The following KCNC2 variants were observed in gnomAD, a reference collection of about 807,000 sequenced individuals.
KCNC2 encodes potassium voltage-gated channel subfamily C member 2.
In KCNC2, 21 loss-of-function variants were observed where a neutral mutation model predicts 44.5. The observed-to-expected ratio is 0.47, with a 90% CI of 0.33 to 0.68. KCNC2 has a LOEUF of 0.68. Among genes scored for constraint, KCNC2 ranks in the 30% least tolerant of loss-of-function variants. The pLI is 0.01. For synonymous variants in KCNC2, 391 were observed against 339.1 expected (o/e 1.15, Z -1.68); for missense variants, 589 against 826.2 (o/e 0.71, Z 3.52).
At chr12:75,080,080 AT>A (rs1884348677) in intron 2 of KCNC2, among the ~76,000 whole-genome samples, 1 of 152,078 alleles carries the variant, frequency 6.6e-6, no homozygotes, top group Non-Finnish European at 1.5e-5. Flanking sequence ...TTACAGAAAA[AT>A]TTTATTTTTT....
chr12:75,083,467 G>C (rs1390926576), intron 2 of KCNC2, among the ~76,000 whole-genome samples: 4 of 151,844 alleles, frequency 2.6e-5, no homozygotes, highest in Non-Finnish European at 5.9e-5. Flanking sequence ...AAAGCCAAAA[G>C]AGAATAACAC....
At chr12:75,131,605 TG>T (rs1888849551) in intron 2 of KCNC2, among the ~76,000 whole-genome samples, 1 of 152,122 alleles carries the variant, frequency 6.6e-6, no homozygotes, top group African/African-American at 2.4e-5. Flanking sequence ...TAGAGAGATG[TG>T]GCAGAAAGAA....
At chr12:75,113,865 CAG>C (rs1887444381) in intron 2 of KCNC2, among the ~76,000 whole-genome samples, 3 of 152,140 alleles carry the variant, frequency 2.0e-5, no homozygotes, top group South Asian at 2.1e-4. Context: ...TACTACCACA[CAG>C]AGTTTCAGGC....
chr12:75,055,480 T>C lies in KCNC2; in HGVS notation c.688-4163A>G, dbSNP rs371042914. Among the ~76,000 whole-genome samples, 20 of 152,168 alleles carry C rather than the reference T, an allele frequency of 1.3e-4. No homozygotes were observed. The South Asian group carries it at 4.1e-3, about 32-fold the overall frequency. ...CTGCCATCTCTCTCTGTCTTTTCCCTGTGATAAGACCAAAAACTCCTCCAG... is the reference window on the plus strand; with the variant it reads ...CTGCCATCTCTCTCTGTCTTTTCCCCGTGATAAGACCAAAAACTCCTCCAG... On this transcript the variant is annotated intron_variant, in intron 2 of 4. Transcript: ENST00000549446.
At chr12:75,057,981 T>C (rs1404119649) in intron 2 of KCNC2, among the ~76,000 whole-genome samples, 1 of 151,932 alleles carries the variant, frequency 6.6e-6, no homozygotes, top group Non-Finnish European at 1.5e-5. Flanking sequence ...TCAAGGCCTA[T>C]CCATTCACAC....
intron 2 of KCNC2, among the ~76,000 whole-genome samples, chr12:75,053,335 G>A (rs1229102268): frequency 6.6e-6 from 1 of 151,976 alleles, no homozygotes; most frequent in East Asian, 1.9e-4. Context: ...AGACTCAGAA[G>A]AATCTTCCTA....
chr12:75,131,853 G>A (rs1888869344), intron 2 of KCNC2, among the ~76,000 whole-genome samples: 1 of 152,112 alleles, frequency 6.6e-6, no homozygotes, highest in South Asian at 2.1e-4. Flanking sequence ...GTGACACTCT[G>A]ATTTCAGCCC....
In KCNC2 at chr12:75,042,996, CT is replaced by C. The variant is rs1180080540; in HGVS notation, c.*108del. 1.3e-6 allele frequency: 2 copies of C among 1,489,566 alleles called. No homozygotes were observed. The highest frequency in any genetic ancestry group is 1.8e-6 in the Non-Finnish European group (2 of 1,120,732). 92.3% of individuals were successfully genotyped at this position (1,489,566 alleles called of 1,614,324 possible). A position where few individuals can be genotyped will look rare whatever the true frequency, so the allele number is the denominator to read the frequency against. Reference sequence around the variant, plus strand: ...ATTGTAGTATCATGCAAGATTTATACTGTATTAATGGAGCCTGGAGTAACTC... The same window carrying C: ...ATTGTAGTATCATGCAAGATTTATACGTATTAATGGAGCCTGGAGTAACTC... On this transcript the variant is annotated 3_prime_UTR_variant, in exon 5 of 5. Transcript: ENST00000549446.
chr12:75,080,597 T>A (rs1442200777), intron 2 of KCNC2, among the ~76,000 whole-genome samples: 2 of 152,110 alleles, frequency 1.3e-5, no homozygotes, highest in Non-Finnish European at 2.9e-5. Context: ...TGGGCTGGAA[T>A]TGTACCAAAT....
At chr12:75,130,452 C>G (rs1200816337) in intron 2 of KCNC2, among the ~76,000 whole-genome samples, 2 of 152,026 alleles carry the variant, frequency 1.3e-5, no homozygotes, top group Non-Finnish European at 2.9e-5. Context: ...CAACATAGCT[C>G]TATATAAAAT....
intron 2 of KCNC2, among the ~76,000 whole-genome samples, chr12:75,190,676 T>C (rs1041064434): frequency 6.6e-6 from 1 of 152,200 alleles, no homozygotes; most frequent in Non-Finnish European, 1.5e-5. Context: ...AAAAATATAT[T>C]ATATTCAAGC....
At chr12:75,130,566 G>A (rs1888765461) in intron 2 of KCNC2, among the ~76,000 whole-genome samples, 1 of 152,088 alleles carries the variant, frequency 6.6e-6, no homozygotes, top group Non-Finnish European at 1.5e-5. Flanking sequence ...TCTGAATGAG[G>A]CTACAGAAAT....
At chr12:75,085,095 T>C (rs1262207801) in intron 2 of KCNC2, among the ~76,000 whole-genome samples, 2 of 152,020 alleles carry the variant, frequency 1.3e-5, no homozygotes, top group African/African-American at 4.8e-5. Context: ...CATTCTGCTA[T>C]ATACAGAAAA....
chr12:75,207,396 C>T lies in KCNC2; in HGVS notation c.588G>A (p.Ala196=). 1 of 1,589,046 alleles carries T rather than the reference C, an allele frequency of 6.3e-7. No individual in the cohort carries two copies. Among genetic ancestry groups the T allele is most frequent in the South Asian group, 1.1e-5 (1 of 87,952 alleles). ...AAKRLGIEDA[A]GLGGPDGKSG... ...ATTTGCCGTCGGGGCCCCCGAGCCC[C>T]GCCGCGTCCTCGATGCCCAGCCTCT... The change falls in exon 2 of 5, where the codon GCG becomes GCA. Residue 196 remains alanine, a synonymous_variant. Coordinates refer to ENST00000549446, the MANE Select transcript of KCNC2 (RefSeq NM_139137.4). The surrounding 1 kb of genome is among the most constrained non-coding windows in gnomAD (Gnocchi z 4.1).
intron 2 of KCNC2, among the ~76,000 whole-genome samples, chr12:75,121,963 GTGTCAA>G (rs1888077789): frequency 6.6e-6 from 1 of 151,400 alleles, no homozygotes; most frequent in Admixed American, 6.6e-5. Flanking sequence ...AGTGGACTCA[GTGTCAA>G]GTGTGAGTGA....
At chr12:75,105,655 A>T (rs1886725588) in intron 2 of KCNC2, among the ~76,000 whole-genome samples, 1 of 152,208 alleles carries the variant, frequency 6.6e-6, no homozygotes, top group Admixed American at 6.5e-5. Context: ...AATGTAAAGA[A>T]TGAGAAAAGG....
At chr12:75,201,824 A>C (rs989261479) in intron 2 of KCNC2, among the ~76,000 whole-genome samples, 1 of 151,934 alleles carries the variant, frequency 6.6e-6, no homozygotes, top group Non-Finnish European at 1.5e-5. Flanking sequence ...CCAGAATTGA[A>C]TTAAGTTTAT....
At chr12:75,199,343 T>C (rs989454672) in intron 2 of KCNC2, among the ~76,000 whole-genome samples, 1 of 151,792 alleles carries the variant, frequency 6.6e-6, no homozygotes, top group East Asian at 1.9e-4. Context: ...TCTGGACACA[T>C]AAAACAATGA....
At chr12:75,127,644 T>C (rs191308643) in intron 2 of KCNC2, among the ~76,000 whole-genome samples, 1 of 152,208 alleles carries the variant, frequency 6.6e-6, no homozygotes, top group African/African-American at 2.4e-5. Flanking sequence ...AACAGTTCTT[T>C]CTCTAAAATG....
Sources: allele counts gnomAD v4.1 joint callset (sites outside exome capture counted in the v4.1 genomes callset), GRCh38; gene constraint gnomAD v4.1.1; non-coding constraint Gnocchi (gnomAD v3.1); transcripts MANE v1.5; gene names NCBI Gene and HGNC (gene_info 2026-07-23, HGNC 2026-07-21).